The following FAM110B variants were observed in gnomAD, a reference collection of about 807,000 sequenced individuals.
The protein encoded by FAM110B is family with sequence similarity 110 member B.
A neutral mutation model predicts 20.4 loss-of-function variants in FAM110B; 6 were observed. The ratio of observed to expected loss-of-function variants is 0.29; its 90% CI spans 0.16 to 0.58. FAM110B has a LOEUF of 0.58. Ranked by LOEUF, FAM110B falls within the 20% of genes least tolerant of loss-of-function variation. The pLI is 0.90. For missense variants in FAM110B, 434 were observed against 498.2 expected, an observed-to-expected ratio of 0.87 and a Z score of 1.23; for synonymous variants, 226 against 214.1, an observed-to-expected ratio of 1.06 and a Z score of -0.49.
intron 3 of FAM110B, among the ~76,000 whole-genome samples, chr8:58,088,936 C>T (rs1563365683): frequency 6.6e-6 from 1 of 152,206 alleles, no homozygotes; most frequent in East Asian, 1.9e-4. Flanking sequence ...ATAAATACTG[C>T]CTTTGACAGG....
At position 58,027,429 on chromosome 8, in the gene FAM110B, T is replaced by C. The variant is rs548454452; in HGVS notation, c.-511-4177T>C. Among the ~76,000 whole-genome samples the C allele has an allele frequency of 3.9e-5, 6 of 152,310 alleles. No homozygotes were observed. The East Asian group carries it at 7.7e-4, about 20-fold the overall frequency. On this transcript the variant is annotated intron_variant, in intron 1 of 3. Coordinates refer to ENST00000519262, the MANE Select transcript of FAM110B (RefSeq NM_001377989.1). ...TAAAAGATGGGAACACTGAGTTTTT[T>C]TTTTTTAAAGCACTTTTGTGAGTTA...
At chr8:58,115,268 C>T (rs1585899035) in intron 3 of FAM110B, among the ~76,000 whole-genome samples, 1 of 152,174 alleles carries the variant, frequency 6.6e-6, no homozygotes, top group African/African-American at 2.4e-5. Flanking sequence ...TATTAATACA[C>T]CATCTTCCCC....
At chr8:58,096,034 C>G (rs912107359) in intron 3 of FAM110B, among the ~76,000 whole-genome samples, 1 of 152,140 alleles carries the variant, frequency 6.6e-6, no homozygotes, top group Admixed American at 6.5e-5. Context: ...GACTTAAACT[C>G]TGTTTTATCA....
chr8:58,118,537 T>C lies in FAM110B; in HGVS notation c.-324-27370T>C, dbSNP rs140480935. On this transcript the variant is annotated intron_variant, in intron 3 of 3. Coordinates refer to ENST00000519262, the MANE Select transcript of FAM110B (RefSeq NM_001377989.1). ...CTTAAGTAGAAGGCTTAATTGCAGATGCTTACTTCTAAGGCAGGGTGGGGC... is the reference window on the plus strand; with the variant it reads ...CTTAAGTAGAAGGCTTAATTGCAGACGCTTACTTCTAAGGCAGGGTGGGGC... 3.6e-3 allele frequency among the ~76,000 whole-genome samples: 549 copies of C among 152,322 alleles called. 6 individuals are homozygous for C. Among genetic ancestry groups the C allele is most frequent in the African/African-American group, 0.012 (492 of 41,576 alleles).
rs574154221 is a variant in FAM110B, at chr8:58,043,361, C to T, written c.-414+11658C>T. 6 of 152,350 alleles carry T rather than the reference C, an allele frequency of 3.9e-5. No individual in the cohort carries two copies. In the South Asian group the frequency reaches 1.2e-3, roughly 32 times the overall value. 9.4% of individuals were successfully genotyped at this position (152,350 alleles called of 1,614,324 possible). On this transcript the variant is annotated intron_variant, in intron 2 of 3. Transcript: ENST00000519262. ...TTCAAGTCAGGGATTTTAACTTTGT[C>T]AGAAACTTGAGTTGTAAAACAGATT... is the stretch of plus-strand genomic sequence containing the variant.
At chr8:58,112,936 G>A (rs536408575) in intron 3 of FAM110B, among the ~76,000 whole-genome samples, 1 of 152,286 alleles carries the variant, frequency 6.6e-6, no homozygotes, top group East Asian at 1.9e-4. Flanking sequence ...CTGGAGGCTG[G>A]GAAGTCCAAG....
intron 3 of FAM110B, among the ~76,000 whole-genome samples, chr8:58,141,359 TG>T (rs1362444357): frequency 3.9e-5 from 6 of 152,246 alleles, no homozygotes; most frequent in African/African-American, 1.4e-4. Flanking sequence ...CTCCCAAGAA[TG>T]TTTGAGCTAA....
At chr8:58,112,193 A>G (rs998472107) in intron 3 of FAM110B, among the ~76,000 whole-genome samples, 1 of 152,094 alleles carries the variant, frequency 6.6e-6, no homozygotes, top group East Asian at 1.9e-4. Flanking sequence ...GCTGGGCATG[A>G]TGGTGCACAC....
chr8:58,059,724 G>A (rs1429308898), intron 2 of FAM110B, among the ~76,000 whole-genome samples: 1 of 150,912 alleles, frequency 6.6e-6, no homozygotes, highest in East Asian at 2.0e-4. Flanking sequence ...AGTGTTATTT[G>A]ATGAGCAGAC....
chr8:58,002,480 C>T (rs1804317189), intron 1 of FAM110B, among the ~76,000 whole-genome samples: 1 of 152,160 alleles, frequency 6.6e-6, no homozygotes, highest in Non-Finnish European at 1.5e-5. Context: ...CTTTATTGAA[C>T]CAATTGATGG....
At chr8:57,996,553 C>G (rs1299198697) in intron 1 of FAM110B, among the ~76,000 whole-genome samples, 2 of 152,162 alleles carry the variant, frequency 1.3e-5, no homozygotes, top group Non-Finnish European at 2.9e-5. Context: ...TATTGGATCT[C>G]TAAGGGCAAG....
At chr8:58,040,349 T>C (rs1307742791) in intron 2 of FAM110B, among the ~76,000 whole-genome samples, 1 of 152,188 alleles carries the variant, frequency 6.6e-6, no homozygotes, top group Middle Eastern at 3.2e-3. Flanking sequence ...TGAAATATGC[T>C]TACGAAGAGA....
chr8:58,043,063 A>C (rs1184873812), intron 2 of FAM110B: 1 of 152,234 alleles, frequency 6.6e-6, no homozygotes, highest in East Asian at 1.9e-4. Flanking sequence ...AAAGAATATG[A>C]ATGAAAGCAG....
chr8:58,145,752 T>C lies in FAM110B; in HGVS notation c.-324-155T>C, dbSNP rs541853012. 2.6e-5 allele frequency among the ~76,000 whole-genome samples: 4 copies of C among 152,300 alleles called. No homozygotes were observed. In the East Asian group the frequency reaches 5.8e-4, roughly 22 times the overall value. On this transcript the variant is annotated intron_variant, in intron 3 of 3. Transcript: ENST00000519262. ...AGGCGGGGGCGCAAGGCCCGGGTCGTCCCCCTCGCGCGGTCGGGAAAACAG... is the reference window on the plus strand; with the variant it reads ...AGGCGGGGGCGCAAGGCCCGGGTCGCCCCCCTCGCGCGGTCGGGAAAACAG...
At chr8:58,009,016 T>C (rs1274531026) in intron 1 of FAM110B, among the ~76,000 whole-genome samples, 1 of 152,176 alleles carries the variant, frequency 6.6e-6, no homozygotes. Context: ...TCTCTCTGCC[T>C]CTGAATAAAG....
intron 1 of FAM110B, among the ~76,000 whole-genome samples, chr8:58,008,071 C>T (rs1804448794): frequency 1.3e-5 from 2 of 150,276 alleles, no homozygotes; most frequent in Admixed American, 1.3e-4. Flanking sequence ...TTAATAGATT[C>T]ATTGAAGCTC....
chr8:58,123,451 A>G (rs1807416940), intron 3 of FAM110B, among the ~76,000 whole-genome samples: 1 of 152,102 alleles, frequency 6.6e-6, no homozygotes, highest in African/African-American at 2.4e-5. Context: ...TGCTGTGTTT[A>G]TTATTTTCAT....
intron 1 of FAM110B, among the ~76,000 whole-genome samples, chr8:58,008,727 ACTT>A (rs1563495299): frequency 2.0e-5 from 3 of 152,170 alleles, no homozygotes; most frequent in African/African-American, 7.2e-5. Flanking sequence ...CTCAATGAAT[ACTT>A]CTCCGTGCAT....
intron 2 of FAM110B, among the ~76,000 whole-genome samples, chr8:58,049,946 G>C (rs558207342): frequency 6.6e-6 from 1 of 152,182 alleles, no homozygotes; most frequent in Non-Finnish European, 1.5e-5. Context: ...TTAGTATTTT[G>C]ATGAATAAAA....
Sources: allele counts gnomAD v4.1 joint callset (sites outside exome capture counted in the v4.1 genomes callset), GRCh38; gene constraint gnomAD v4.1.1; transcripts MANE v1.5; gene names NCBI Gene and HGNC (gene_info 2026-07-23, HGNC 2026-07-21).